PTPRD: variants seen among roughly 807,000 people sequenced by gnomAD.
The protein encoded by PTPRD is protein tyrosine phosphatase receptor type D.
In PTPRD, 34 loss-of-function variants were observed where a neutral mutation model predicts 214.5. That is an observed-to-expected ratio of 0.16 (90% CI 0.12 to 0.21). PTPRD has a LOEUF of 0.21. Among genes scored for constraint, PTPRD ranks in the 10% least tolerant of loss-of-function variants. PTPRD has a pLI of 1.00. For missense variants in PTPRD, 2,545 were observed against 2,398.7 expected (o/e 1.06, Z -1.27); for synonymous variants, 1,128 against 845.7 (o/e 1.33, Z -5.79).
intron 6 of PTPRD, among the ~76,000 whole-genome samples, chr9:9,756,596 G>A (rs1212651896): frequency 6.6e-6 from 1 of 152,084 alleles, no homozygotes; most frequent in Non-Finnish European, 1.5e-5. Context: ...GGGAACAACT[G>A]TTTAGTGGAT....
chr9:10,465,736 T>C (rs1198699485), intron 2 of PTPRD, among the ~76,000 whole-genome samples: 1 of 152,214 alleles, frequency 6.6e-6, no homozygotes, highest in Non-Finnish European at 1.5e-5. Context: ...GGCTATGCCA[T>C]ATAGCCTAGG....
chr9:10,316,403 T>A (rs1159921674), intron 3 of PTPRD, among the ~76,000 whole-genome samples: 2 of 151,608 alleles, frequency 1.3e-5, no homozygotes, highest in Non-Finnish European at 2.9e-5. Flanking sequence ...GAAGGGCAAA[T>A]GAGAGAAAAA....
chr9:8,754,622 AAGAT>A (rs2093822329), intron 11 of PTPRD, among the ~76,000 whole-genome samples: 3 of 152,352 alleles, frequency 2.0e-5, no homozygotes, highest in Admixed American at 2.0e-4. Context: ...CTAGATGTGA[AAGAT>A]AAATAATACA....
At chr9:8,587,551 T>C (rs1022730725) in intron 14 of PTPRD, among the ~76,000 whole-genome samples, 1 of 152,228 alleles carries the variant, frequency 6.6e-6, no homozygotes, top group African/African-American at 2.4e-5. Flanking sequence ...TAACCTTCTA[T>C]ATAATATTCC....
intron 3 of PTPRD, among the ~76,000 whole-genome samples, chr9:10,283,914 A>T (rs892649546): frequency 6.6e-6 from 1 of 152,154 alleles, no homozygotes; most frequent in Non-Finnish European, 1.5e-5. Context: ...ACCATGAGGA[A>T]ATTGGGTCTG....
At chr9:9,417,277 A>T (rs1371745088) in intron 8 of PTPRD, among the ~76,000 whole-genome samples, 1 of 152,174 alleles carries the variant, frequency 6.6e-6, no homozygotes, top group Non-Finnish European at 1.5e-5. Flanking sequence ...TTAATCTTAA[A>T]GTCTGAGGTA....
At chr9:10,358,893 G>C (rs1382535737) in intron 2 of PTPRD, among the ~76,000 whole-genome samples, 2 of 151,954 alleles carry the variant, frequency 1.3e-5, no homozygotes, top group African/African-American at 4.8e-5. Context: ...GTAAACATGT[G>C]TATCTTCCAT....
Position 10,581,057 on chromosome 9 carries a change from G to A in PTPRD, c.-600+31341C>T, listed in dbSNP as rs1396667918. Reference sequence around the variant, plus strand: ...CCCATTCTTGGTTCTGCCACTTCTCGGATGCGTAACCTTATGCAAATTACA... The same window carrying A: ...CCCATTCTTGGTTCTGCCACTTCTCAGATGCGTAACCTTATGCAAATTACA... On this transcript the variant is annotated intron_variant, in intron 2 of 45. Coordinates refer to ENST00000381196, the MANE Select transcript of PTPRD (RefSeq NM_002839.4). Among the ~76,000 whole-genome samples, 9 of 152,166 alleles carry A rather than the reference G, an allele frequency of 5.9e-5. No homozygotes were observed. In the South Asian group the frequency reaches 8.3e-4, roughly 14 times the overall value.
chr9:8,783,633 C>A (rs558645254), intron 11 of PTPRD, among the ~76,000 whole-genome samples: 2 of 152,316 alleles, frequency 1.3e-5, no homozygotes, highest in Non-Finnish European at 2.9e-5. Context: ...CTACCTCATA[C>A]CTCAAGGTGA....
chr9:9,656,792 G>A (rs574511225), intron 7 of PTPRD, among the ~76,000 whole-genome samples: 3 of 151,990 alleles, frequency 2.0e-5, no homozygotes, highest in Non-Finnish European at 4.4e-5. Flanking sequence ...GTTGACATAG[G>A]TTCATCAATT....
At chr9:9,186,690 T>A (rs1331689028) in intron 9 of PTPRD, among the ~76,000 whole-genome samples, 1 of 150,174 alleles carries the variant, frequency 6.7e-6, no homozygotes, top group African/African-American at 2.5e-5. Flanking sequence ...CAAACACACG[T>A]ATCCTAATAC....
chr9:10,494,333 T>C lies in PTPRD; in HGVS notation c.-600+118065A>G, dbSNP rs186388819. Among the ~76,000 whole-genome samples, 3 of 151,990 alleles carry C rather than the reference T, an allele frequency of 2.0e-5. No homozygotes were observed. The East Asian group carries it at 5.8e-4, about 29-fold the overall frequency. On this transcript the variant is annotated intron_variant, in intron 2 of 45. Transcript: ENST00000381196. ...CTATTTTAAAAGAAAAAATAGGTGATTTTCTTCTGATAAATATATATAAGA... is the reference window on the plus strand; with the variant it reads ...CTATTTTAAAAGAAAAAATAGGTGACTTTCTTCTGATAAATATATATAAGA...
intron 3 of PTPRD, among the ~76,000 whole-genome samples, chr9:10,190,003 C>T (rs188860675): frequency 6.6e-6 from 1 of 152,164 alleles, no homozygotes; most frequent in Admixed American, 6.5e-5. Flanking sequence ...ACACCAGAAT[C>T]CAAAGACCAA....
chr9:10,600,087 T>G (rs115027495), intron 2 of PTPRD, among the ~76,000 whole-genome samples: 58 of 151,926 alleles, frequency 3.8e-4, no homozygotes, highest in African/African-American at 1.4e-3. Context: ...TGTAATTGTA[T>G]TACTTACTTT....
At chr9:9,142,504 C>T (rs1340600223) in intron 10 of PTPRD, among the ~76,000 whole-genome samples, 1 of 152,208 alleles carries the variant, frequency 6.6e-6, no homozygotes, top group African/African-American at 2.4e-5. Flanking sequence ...GAAATCAATT[C>T]TTAGAAATTT....
At chr9:8,667,576 G>C (rs962572795) in intron 12 of PTPRD, among the ~76,000 whole-genome samples, 2 of 151,852 alleles carry the variant, frequency 1.3e-5, no homozygotes, top group African/African-American at 4.8e-5. Flanking sequence ...TTATTTAAAA[G>C]ATTGCATAAA....
chr9:10,483,954 T>C (rs2099116440), intron 2 of PTPRD, among the ~76,000 whole-genome samples: 1 of 152,094 alleles, frequency 6.6e-6, no homozygotes. Flanking sequence ...TAAATCATCA[T>C]ATCAAAAAAC....
At chr9:9,986,672 T>A (rs1222732455) in intron 4 of PTPRD, among the ~76,000 whole-genome samples, 3 of 152,198 alleles carry the variant, frequency 2.0e-5, no homozygotes, top group African/African-American at 7.2e-5. Flanking sequence ...AAATTTATGT[T>A]AAGGAAGAAG....
Position 9,657,670 on chromosome 9 carries a change from T to C in PTPRD, c.-287+76863A>G, listed in dbSNP as rs2096545539. Among the ~76,000 whole-genome samples, 4 of 152,286 alleles carry C rather than the reference T, an allele frequency of 2.6e-5. No individual in the cohort carries two copies. In the South Asian group the frequency reaches 8.3e-4, roughly 32 times the overall value. ...TGGCTAAATGTTGTTTATGACCGAA[T>C]CTTTGTTTTTATTATTGGCAGAATT... is the stretch of plus-strand genomic sequence containing the variant. On this transcript the variant is annotated intron_variant, in intron 7 of 45. Transcript: ENST00000381196.
Sources: gnomAD v4.1 joint callset for allele counts (sites outside exome capture counted in the v4.1 genomes callset) on GRCh38, gnomAD v4.1.1 for gene constraint, MANE v1.5 for transcripts, NCBI Gene and HGNC (gene_info 2026-07-23, HGNC 2026-07-21) for gene names.